Variants in GNAQ observed in about 807,000 individuals in gnomAD.
GNAQ encodes the protein G protein subunit alpha q.
In GNAQ, 8 loss-of-function variants were observed where a neutral mutation model predicts 43.9. That is an observed-to-expected ratio of 0.18 (90% confidence interval 0.11 to 0.33). The LOEUF (loss-of-function observed/expected upper bound fraction) is 0.33. Ranked by LOEUF, GNAQ falls within the 10% of genes least tolerant of loss-of-function variation. The pLI, the probability that GNAQ is intolerant of heterozygous loss-of-function variation, is 1.00. For missense variants in GNAQ, 158 were observed against 450.8 expected (o/e 0.35, Z 5.88); for synonymous variants, 155 against 170.7 (o/e 0.91, Z 0.71).
At chr9:77,942,115 A>C (rs540672428) in intron 1 of GNAQ, among the ~76,000 whole-genome samples, 1 of 152,236 alleles carries the variant, frequency 6.6e-6, no homozygotes, top group Non-Finnish European at 1.5e-5. Flanking sequence ...AACAGTTGTT[A>C]AGAAACTGGG....
chr9:77,919,655 G>A (rs1458358972), intron 2 of GNAQ, among the ~76,000 whole-genome samples: 4 of 152,086 alleles, frequency 2.6e-5, no homozygotes, highest in Non-Finnish European at 5.9e-5. Context: ...AGAAACAAAC[G>A]TGAAAGTCAT....
At chr9:77,844,028 C>T (rs1032994445) in intron 2 of GNAQ, among the ~76,000 whole-genome samples, 3 of 152,176 alleles carry the variant, frequency 2.0e-5, no homozygotes, top group African/African-American at 7.2e-5. Context: ...CAATCTGCCA[C>T]GGAGACAGTA....
chr9:77,844,385 A>G lies in GNAQ; in HGVS notation c.322-28615T>C, dbSNP rs1189825624. Among the ~76,000 whole-genome samples the G allele has an allele frequency of 3.3e-5, 5 of 152,314 alleles. No homozygotes were observed. In the South Asian group the frequency reaches 1.0e-3, roughly 32 times the overall value. ...ATTAAAATCATGTCTAGAAATGAAA[A>G]ATCCATTATATTGGCTTAAAGGATT... On this transcript the variant is annotated intron_variant, in intron 2 of 6. Transcript: ENST00000286548.
chr9:77,868,731 A>G (rs1291500276), intron 2 of GNAQ, among the ~76,000 whole-genome samples: 4 of 152,194 alleles, frequency 2.6e-5, no homozygotes, highest in African/African-American at 4.8e-5. Context: ...GGAGGCAGAG[A>G]TTGCGGTGAG....
rs186299433 is a variant in GNAQ at position 77,963,293 on chromosome 9, T to C, written c.137-40948A>G. Among the ~76,000 whole-genome samples, 325 of 152,236 alleles carry C rather than the reference T, an allele frequency of 2.1e-3. 2 individuals are homozygous for C. Among genetic ancestry groups the C allele is most frequent in the Non-Finnish European group, 3.2e-4 (22 of 68,004 alleles). ...GAGGAAAAAATTAATCTTGCCCTAA[T>C]TGAAAAGCACTGACAATTAACAGTA... is the stretch of plus-strand genomic sequence containing the variant. On this transcript the variant is annotated intron_variant, in intron 1 of 6. Transcript: ENST00000286548.
At chr9:77,952,236 T>C (rs1371380556) in intron 1 of GNAQ, among the ~76,000 whole-genome samples, 1 of 152,250 alleles carries the variant, frequency 6.6e-6, no homozygotes, top group East Asian at 1.9e-4. Context: ...AAAATAACAT[T>C]GTTGCTGTTG....
intron 1 of GNAQ, among the ~76,000 whole-genome samples, chr9:78,012,738 A>G (rs1411359582): frequency 1.3e-5 from 2 of 152,164 alleles, no homozygotes; most frequent in African/African-American, 4.8e-5. Flanking sequence ...ATATGTACAC[A>G]ATTTCTCAAG....
chr9:77,985,519 T>G (rs1443801620), intron 1 of GNAQ, among the ~76,000 whole-genome samples: 1 of 152,216 alleles, frequency 6.6e-6, no homozygotes, highest in African/African-American at 2.4e-5. Context: ...TACAAGGTGT[T>G]AAGCTTCACA....
intron 2 of GNAQ, among the ~76,000 whole-genome samples, chr9:77,894,634 G>A (rs532673355): frequency 8.7e-4 from 131 of 150,826 alleles, no homozygotes; most frequent in African/African-American, 3.0e-3. Context: ...TGTTGACCAG[G>A]AAGGTCTAGA....
chr9:77,745,759 TAAAA>T (rs996519868), intron 5 of GNAQ, among the ~76,000 whole-genome samples: 2 of 149,052 alleles, frequency 1.3e-5, no homozygotes, highest in East Asian at 2.0e-4. Context: ...TTCAGAAAAA[TAAAA>T]AAAGAATTAG....
At chr9:77,935,338 A>G (rs1375454195) in intron 1 of GNAQ, among the ~76,000 whole-genome samples, 1 of 152,180 alleles carries the variant, frequency 6.6e-6, no homozygotes, top group Non-Finnish European at 1.5e-5. Context: ...CCACCCAGCA[A>G]GGACTCTTGA....
At chr9:77,968,116 T>C (rs1364752773) in intron 1 of GNAQ, among the ~76,000 whole-genome samples, 1 of 152,236 alleles carries the variant, frequency 6.6e-6, no homozygotes, top group East Asian at 1.9e-4. Flanking sequence ...GTATACATTA[T>C]AATCACTTTA....
chr9:77,795,346 G>C (rs2118447429), intron 4 of GNAQ, among the ~76,000 whole-genome samples: 1 of 152,294 alleles, frequency 6.6e-6, no homozygotes, highest in Middle Eastern at 3.4e-3. Context: ...ATTAATTTGA[G>C]TGACAATGTA....
chr9:77,997,968 C>T, intron 1 of GNAQ, among the ~76,000 whole-genome samples: 1 of 152,184 alleles, frequency 6.6e-6, no homozygotes, highest in East Asian at 1.9e-4. Flanking sequence ...TGCTATATTT[C>T]CTTAACTGAA....
At chr9:77,800,748 A>C (rs1013502871) in intron 3 of GNAQ, among the ~76,000 whole-genome samples, 3 of 152,190 alleles carry the variant, frequency 2.0e-5, no homozygotes, top group Non-Finnish European at 4.4e-5. Flanking sequence ...TAAATAAATC[A>C]AGTAATTCAA....
At chr9:77,919,064 C>G (rs1481039303) in intron 2 of GNAQ, among the ~76,000 whole-genome samples, 1 of 152,096 alleles carries the variant, frequency 6.6e-6, no homozygotes, top group Non-Finnish European at 1.5e-5. Context: ...GGATTACAGG[C>G]ATGTGCCACC....
intron 1 of GNAQ, among the ~76,000 whole-genome samples, chr9:77,967,655 G>T (rs575943457): frequency 9.2e-5 from 14 of 152,152 alleles, no homozygotes; most frequent in Non-Finnish European, 1.9e-4. Context: ...TATCAGAGGT[G>T]GGGGAAGGAA....
intron 1 of GNAQ, among the ~76,000 whole-genome samples, chr9:77,998,866 C>T (rs760273738): frequency 6.6e-6 from 1 of 151,968 alleles, no homozygotes; most frequent in Non-Finnish European, 1.5e-5. Context: ...GCGGGCAGAT[C>T]ACCTGAGGTC....
chr9:77,821,101 C>T (rs979234644), intron 2 of GNAQ, among the ~76,000 whole-genome samples: 1 of 152,156 alleles, frequency 6.6e-6, no homozygotes, highest in Non-Finnish European at 1.5e-5. Context: ...GTTTATTAAA[C>T]TGCCACATAT....
Sources: allele counts gnomAD v4.1 joint callset (sites outside exome capture counted in the v4.1 genomes callset), GRCh38; gene constraint gnomAD v4.1.1; transcripts MANE v1.5; gene names NCBI Gene and HGNC (gene_info 2026-07-23, HGNC 2026-07-21).